TECTA: variants seen among roughly 807,000 people sequenced by gnomAD.
TECTA encodes tectorin alpha, also known as alpha-tectorin.
A neutral mutation model predicts 216.8 loss-of-function variants in TECTA; 128 were observed. The ratio of observed to expected loss-of-function variants is 0.59; its 90% CI spans 0.51 to 0.68. TECTA has a LOEUF of 0.68. Among genes scored for constraint, TECTA ranks in the 30% least tolerant of loss-of-function variants. The pLI is 0.00. For synonymous variants in TECTA, 1,089 were observed against 1,117.1 expected (o/e 0.97, Z 0.50); for missense variants, 2,551 against 2,786.2 (o/e 0.92, Z 1.90).
chr11:121,180,203 T>C (rs1277481924), intron 20 of TECTA, among the ~76,000 whole-genome samples: 1 of 152,130 alleles, frequency 6.6e-6, no homozygotes, highest in Non-Finnish European at 1.5e-5. Context: ...CGGTTTTGTG[T>C]ATATGATCTG....
intron 23 of TECTA, chr11:121,190,233 A>G: frequency 2.7e-6 from 1 of 367,918 alleles, no homozygotes; most frequent in Non-Finnish European, 5.2e-6. Flanking sequence ...AAGCCTTAGC[A>G]TATGGTTTCC....
In TECTA at chr11:121,145,822, G is replaced by A; in HGVS notation, c.3811G>A (p.Val1271Met). ...SSVNEFGQSW[V>M]KRDTFCQVGC... ...TGTCAATGAGTTTGGGCAGAGCTGGGTGAAGAGGGACACCTTCTGCCAGGT... is the reference window on the plus strand; with the variant it reads ...TGTCAATGAGTTTGGGCAGAGCTGGATGAAGAGGGACACCTTCTGCCAGGT... Residue 1271 changes from valine to methionine, a missense_variant, in exon 12 of 24, where the codon GTG (valine) becomes ATG (methionine). Around this residue, in one of 3 missense-constraint regions of TECTA, gnomAD observed 2,375 missense variants for 2,563.9 expected, o/e 0.93. Coordinates refer to ENST00000392793, the MANE Select transcript of TECTA (RefSeq NM_005422.4). The A allele has an allele frequency of 1.2e-6, 2 of 1,614,222 alleles. No individual in the cohort carries two copies. The highest frequency in any genetic ancestry group is 1.7e-6 in the Non-Finnish European group (2 of 1,180,046).
chr11:121,154,002 C>T (rs1290995474), intron 13 of TECTA, among the ~76,000 whole-genome samples: 2 of 152,146 alleles, frequency 1.3e-5, no homozygotes, highest in Admixed American at 1.3e-4. Flanking sequence ...GAAAGCACGT[C>T]CTCTGCCTTG....
rs957492116 is a variant in TECTA, at chr11:121,113,251, T to C, written c.624+42T>C. On this transcript the variant is annotated intron_variant, in intron 5 of 23. Coordinates refer to ENST00000392793, the MANE Select transcript of TECTA (RefSeq NM_005422.4). The surrounding 1 kb of genome is among the most constrained non-coding windows in gnomAD (Gnocchi z 4.2). The stretch of plus-strand genomic sequence containing the variant: ...TTCATCCCCCGCGTGTTTCCGTCGC[T>C]GCACTCTCTGCTTCTGTGGCTCAGC... 4 of 1,613,090 alleles carry C rather than the reference T, an allele frequency of 2.5e-6. No individual in the cohort carries two copies. The African/African-American group carries it at 4.0e-5, about 16-fold the overall frequency.
At chr11:121,163,465 T>C in intron 16 of TECTA, among the ~76,000 whole-genome samples, 1 of 60,886 alleles carries the variant, frequency 1.6e-5, no homozygotes, top group South Asian at 6.9e-4. Context: ...GGGGGGAGGG[T>C]GGAGGGATAG....
intron 17 of TECTA, 58 bp from the exon 18 acceptor site, chr11:121,166,520 C>A: frequency 1.3e-6 from 2 of 1,569,660 alleles, no homozygotes; most frequent in Non-Finnish European, 1.8e-6. Flanking sequence ...GCTTTGCTCC[C>A]ACTCCTGCAG....
intron 16 of TECTA, among the ~76,000 whole-genome samples, chr11:121,164,539 G>A (rs1401635064): frequency 4.6e-5 from 7 of 152,160 alleles, no homozygotes; most frequent in Non-Finnish European, 1.0e-4. Flanking sequence ...GATCTCATCT[G>A]TTACAGAAAT....
In TECTA at chr11:121,128,318, G is replaced by A; in HGVS notation, c.2341G>A (p.Gly781Arg). The A allele has an allele frequency of 6.3e-7, 1 of 1,599,700 alleles. No homozygotes were observed. ...ILVADQEVKI[G>R]GIGASEVKLN... ...GGTGGCCGACCAGGAGGTCAAGATA[G>A]GAGGCATCGGGGCTTCGGAAGTCAA... The change falls in exon 9 of 24, where the codon GGA (glycine) becomes AGA (arginine). Residue 781 changes from glycine to arginine, a missense_variant. By Grantham distance (125) the Gly-to-Arg change is moderately radical (BLOSUM62 -2). This residue lies in a region of TECTA where 2,375 missense variants were observed against 2,563.9 expected (regional missense o/e 0.93). Transcript: ENST00000392793.
rs751053969 is a variant in TECTA at position 121,129,870 on chromosome 11, G to A, written c.2600G>A (p.Cys867Tyr). 3.7e-6 allele frequency: 6 copies of A among 1,614,122 alleles called. No individual in the cohort carries two copies. In the South Asian group the frequency reaches 6.6e-5, roughly 18 times the overall value. The part of the protein sequence containing the change: ...SDEFCLPNGK[C>Y]TDNLAVFLES... ...GAGTTCTGTCTCCCCAACGGCAAGT[G>A]CACGGACAACCTGGCAGTGTTCCTG... The change falls in exon 10 of 24, where the codon TGC becomes TAC. Residue 867 changes from cysteine (C) to tyrosine (Y), a missense_variant. Coordinates refer to ENST00000392793, the MANE Select transcript of TECTA (RefSeq NM_005422.4).
chr11:121,111,787 T>A (rs1946444192), intron 4 of TECTA, among the ~76,000 whole-genome samples: 1 of 152,236 alleles, frequency 6.6e-6, no homozygotes, highest in Non-Finnish European at 1.5e-5. Context: ...CTCATCTCTG[T>A]GTCCCACTGT....
intron 18 of TECTA, among the ~76,000 whole-genome samples, chr11:121,167,271 T>TA (rs1310801810): frequency 6.6e-6 from 1 of 152,084 alleles, no homozygotes; most frequent in East Asian, 1.9e-4. Flanking sequence ...TCTCTATTTT[T>TA]AAAAAATCTA....
chr11:121,138,057 C>T lies in TECTA; in HGVS notation c.3543+35C>T, dbSNP rs183542156. The T allele has an allele frequency of 8.4e-5, 135 of 1,612,718 alleles. No homozygotes were observed. The African/African-American group carries it at 1.6e-3, about 19-fold the overall frequency. On this transcript the variant is annotated intron_variant, in intron 11 of 23. Coordinates refer to ENST00000392793, the MANE Select transcript of TECTA (RefSeq NM_005422.4). ...CATGAGGTCCCCTCAAAAGGGGAAT[C>T]GTGGAGACGTCAGGATGGGGTCGGC...
chr11:121,183,267 G>A (rs979920158), intron 20 of TECTA, among the ~76,000 whole-genome samples: 7 of 152,134 alleles, frequency 4.6e-5, no homozygotes, highest in African/African-American at 1.7e-4. Context: ...GTCTGACGGG[G>A]GCTGGGCTCG....
intron 12 of TECTA, among the ~76,000 whole-genome samples, chr11:121,150,151 T>C (rs191809751): frequency 6.6e-6 from 1 of 152,254 alleles, no homozygotes; most frequent in East Asian, 1.9e-4. Flanking sequence ...TACTGGCCCA[T>C]GAACAGAAAG....
At chr11:121,112,966 T>C (rs1946455926) in intron 4 of TECTA, 106 bp from the exon 5 acceptor site, 1 of 1,438,222 alleles carries the variant, frequency 7.0e-7, no homozygotes, top group Admixed American at 1.8e-5. Context: ...AGAGCAGCTC[T>C]GAGCTGCCTG....
intron 18 of TECTA, among the ~76,000 whole-genome samples, chr11:121,167,111 G>A (rs947809386): frequency 6.6e-6 from 1 of 152,160 alleles, no homozygotes; most frequent in East Asian, 1.9e-4. Context: ...ATTTCAGGGG[G>A]TAAGGGAGTC....
At chr11:121,138,692 G>A (rs926369656) in intron 11 of TECTA, among the ~76,000 whole-genome samples, 1 of 152,126 alleles carries the variant, frequency 6.6e-6, no homozygotes, top group Non-Finnish European at 1.5e-5. Flanking sequence ...GGAGCAGCAG[G>A]GCTGAGGCTG....
intron 4 of TECTA, among the ~76,000 whole-genome samples, chr11:121,111,827 A>T (rs1031796762): frequency 6.6e-6 from 1 of 152,228 alleles, no homozygotes; most frequent in African/African-American, 2.4e-5. Context: ...CCAGAGACTG[A>T]AGGCGTTTAC....
At chr11:121,182,635 G>A (rs1455838340) in intron 20 of TECTA, among the ~76,000 whole-genome samples, 2 of 152,194 alleles carry the variant, frequency 1.3e-5, no homozygotes, top group Admixed American at 6.5e-5. Flanking sequence ...GGTGGGGCAG[G>A]TCTGTTGTCA....
Sources: allele counts gnomAD v4.1 joint callset (sites outside exome capture counted in the v4.1 genomes callset), GRCh38; gene constraint gnomAD v4.1.1; regional missense constraint gnomAD v4.1.1; non-coding constraint Gnocchi (gnomAD v3.1); transcripts MANE v1.5; gene names NCBI Gene and HGNC (gene_info 2026-07-23, HGNC 2026-07-21).